The following DAB1 variants were observed in gnomAD, a reference collection of about 807,000 sequenced individuals.
The protein encoded by DAB1 is DAB adaptor protein 1, also known as disabled homolog 1.
In DAB1, 15 loss-of-function variants were observed where a neutral mutation model predicts 64.6. The observed-to-expected ratio is 0.23, with a 90% CI of 0.16 to 0.36. The LOEUF is 0.36. DAB1 is among the 10% of genes least tolerant of loss of function. The pLI is 1.00. For missense variants in DAB1, 596 were observed against 706.7 expected (o/e 0.84, Z 1.78); for synonymous variants, 235 against 251.9 (o/e 0.93, Z 0.64).
intron 5 of DAB1, among the ~76,000 whole-genome samples, chr1:58,044,682 T>C (rs1449576863): frequency 6.6e-6 from 1 of 152,118 alleles, no homozygotes; most frequent in Non-Finnish European, 1.5e-5. Context: ...AGACTTCAGA[T>C]CCCAGTTCTG....
Position 57,061,235 on chromosome 1 carries a change from G to C in DAB1, c.723+1649C>G, listed in dbSNP as rs954217145. On this transcript the variant is annotated intron_variant, in intron 9 of 14. Transcript: ENST00000371236. The stretch of plus-strand genomic sequence containing the variant: ...TCAGAAGCCATATTTAGATGGGGGG[G>C]GGGGGTGGTTTCAAGATCCTGGAAG... 6.0e-5 allele frequency among the ~76,000 whole-genome samples: 9 copies of C among 151,158 alleles called. No homozygotes were observed. In the South Asian group the frequency reaches 6.4e-4, roughly 11 times the overall value.
At chr1:57,548,757 T>C (rs552600277) in intron 7 of DAB1, among the ~76,000 whole-genome samples, 1 of 152,304 alleles carries the variant, frequency 6.6e-6, no homozygotes, top group South Asian at 2.1e-4. Flanking sequence ...ACCAGATGGA[T>C]ATCAGACTGA....
At chr1:57,691,708 G>A (rs751976406) in intron 6 of DAB1, among the ~76,000 whole-genome samples, 1 of 152,076 alleles carries the variant, frequency 6.6e-6, no homozygotes, top group Non-Finnish European at 1.5e-5. Flanking sequence ...TCACTGCGAA[G>A]GTCTGCAGCT....
intron 5 of DAB1, among the ~76,000 whole-genome samples, chr1:57,978,947 G>A (rs568393560): frequency 6.6e-6 from 1 of 152,304 alleles, no homozygotes; most frequent in South Asian, 2.1e-4. Context: ...AAATAGGGAT[G>A]CTTGTACATT....
rs562979278 is a variant in DAB1 at position 57,796,664 on chromosome 1, G to A, written n.551+87335C>T. Among the ~76,000 whole-genome samples the A allele has an allele frequency of 2.6e-5, 4 of 152,194 alleles. No homozygotes were observed. In the East Asian group the frequency reaches 5.8e-4, roughly 22 times the overall value. ...GCAGAGGCTGTGGCTGACACCCACT[G>A]GAGAAAGCAAAGGGGAGCTGAGTCA... On this transcript the variant is annotated intron_variant and non_coding_transcript_variant, in intron 6 of 20. Transcript: ENST00000485760.
intron 6 of DAB1, among the ~76,000 whole-genome samples, chr1:57,765,684 T>C (rs1162062450): frequency 1.3e-5 from 2 of 152,282 alleles, no homozygotes; most frequent in African/African-American, 4.8e-5. Flanking sequence ...CTGTCAACAC[T>C]ATGCAGCACA....
At chr1:57,243,398 A>G (rs760778257) in intron 2 of DAB1, among the ~76,000 whole-genome samples, 3 of 152,048 alleles carry the variant, frequency 2.0e-5, no homozygotes, top group Non-Finnish European at 4.4e-5. Flanking sequence ...GCTTTTCCCA[A>G]TACTTTTTGC....
chr1:58,182,246 T>C (rs1656834919), intron 4 of DAB1, among the ~76,000 whole-genome samples: 1 of 152,006 alleles, frequency 6.6e-6, no homozygotes, highest in Non-Finnish European at 1.5e-5. Context: ...CGTTTGACTA[T>C]GATATATCTA....
chr1:57,468,549 T>C (rs998736243), intron 7 of DAB1, among the ~76,000 whole-genome samples: 22 of 152,160 alleles, frequency 1.4e-4, no homozygotes, highest in African/African-American at 5.3e-4. Context: ...CAGAGTTTAA[T>C]CTTATAGGTC....
chr1:57,000,747 G>A (rs1479072786), intron 14 of DAB1, among the ~76,000 whole-genome samples: 4 of 152,152 alleles, frequency 2.6e-5, no homozygotes, highest in East Asian at 1.9e-4. Context: ...GATGTTCTCA[G>A]CTCATTCTTC....
chr1:57,569,886 G>A (rs111824988), intron 7 of DAB1, among the ~76,000 whole-genome samples: 5,038 of 152,110 alleles, frequency 0.033, 312 homozygotes, highest in African/African-American at 0.11. Flanking sequence ...TGCATTTCCC[G>A]TTGTACGAAG....
intron 3 of DAB1, among the ~76,000 whole-genome samples, chr1:58,501,135 A>C (rs1645900116): frequency 6.6e-6 from 1 of 152,226 alleles, no homozygotes; most frequent in Non-Finnish European, 1.5e-5. Flanking sequence ...TATTAACTAC[A>C]AGTAATATTG....
chr1:57,196,468 A>G (rs1305791520), intron 2 of DAB1, among the ~76,000 whole-genome samples: 1 of 152,238 alleles, frequency 6.6e-6, no homozygotes, highest in Non-Finnish European at 1.5e-5. Flanking sequence ...CAAACCAGGA[A>G]GATTAGCAAA....
intron 7 of DAB1, among the ~76,000 whole-genome samples, chr1:57,493,766 A>T (rs1212280854): frequency 1.4e-5 from 2 of 139,330 alleles, no homozygotes; most frequent in Non-Finnish European, 3.0e-5. Flanking sequence ...TTCACAGCTC[A>T]CACACACACA....
intron 5 of DAB1, among the ~76,000 whole-genome samples, chr1:58,141,377 C>G (rs541163079): frequency 2.6e-5 from 4 of 152,068 alleles, no homozygotes; most frequent in Non-Finnish European, 5.9e-5. Context: ...GACTTATTCA[C>G]TATCACGAGA....
chr1:57,842,880 G>A (rs1653117830), intron 1 of DAB1, among the ~76,000 whole-genome samples: 1 of 152,178 alleles, frequency 6.6e-6, no homozygotes, highest in Admixed American at 6.5e-5. Context: ...ATTTATATTA[G>A]TGTACAGTTG....
At chr1:58,030,419 A>G (rs968196787) in intron 5 of DAB1, among the ~76,000 whole-genome samples, 3 of 152,242 alleles carry the variant, frequency 2.0e-5, no homozygotes, top group African/African-American at 7.2e-5. Flanking sequence ...GGCAAACAGT[A>G]CAATGAAAGT....
chr1:57,421,464 CTCGATGTGTAGAATTGAAT>C (rs1684876820), intron 1 of DAB1, among the ~76,000 whole-genome samples: 1 of 152,148 alleles, frequency 6.6e-6, no homozygotes, highest in South Asian at 2.1e-4. Context: ...TAATTGCCAA[CTCGATGTGTAGAATTGAAT>C]TCCTACTTGA....
At chr1:57,230,643 A>C (rs537634553) in intron 2 of DAB1, among the ~76,000 whole-genome samples, 37 of 149,076 alleles carry the variant, frequency 2.5e-4, no homozygotes, top group African/African-American at 7.8e-4. Flanking sequence ...GATATGTCAT[A>C]GCTTTACATA....
Sources: allele counts gnomAD v4.1 joint callset (sites outside exome capture counted in the v4.1 genomes callset), GRCh38; gene constraint gnomAD v4.1.1; transcripts MANE v1.5; gene names NCBI Gene and HGNC (gene_info 2026-07-23, HGNC 2026-07-21).